The following HMGCLL1 variants were observed in gnomAD, a reference collection of about 807,000 sequenced individuals.
HMGCLL1 encodes the protein 3-hydroxy-3-methylglutaryl-CoA lyase like 1, also known as 3-hydroxymethyl-3-methylglutaryl-CoA lyase, cytoplasmic.
HMGCLL1 carries 36 observed loss-of-function variants against 39.1 expected under a neutral mutation model. That is an observed-to-expected ratio of 0.92 (90% confidence interval 0.71 to 1.22). The LOEUF (loss-of-function observed/expected upper bound fraction) is 1.22. Among genes scored for constraint, HMGCLL1 ranks in the 50% most tolerant of loss-of-function variants. The pLI is 0.00. For missense variants in HMGCLL1, 451 were observed against 416.5 expected, an observed-to-expected ratio of 1.08 and a Z score of -0.72; for synonymous variants, 149 against 144.0, an observed-to-expected ratio of 1.03 and a Z score of -0.25.
rs890354912 is a variant in HMGCLL1 at position 55,520,234 on chromosome 6, C to A, written c.298-3631G>T. On this transcript the variant is annotated intron_variant, in intron 3 of 8. Coordinates refer to ENST00000274901, the MANE Select transcript of HMGCLL1 (RefSeq NM_001042406.2). ...CATATTCTGCACATGTACCCCAGAT[C>A]TTAAAGTATAATAATAAATAAATAA... Among the ~76,000 whole-genome samples, 12 of 131,234 alleles carry A rather than the reference C, an allele frequency of 9.1e-5. No homozygotes were observed. In the Admixed American group the frequency reaches 1.0e-3, roughly 11 times the overall value. The allele number at this position is 131,234 out of a possible 152,430, so 86.1% of individuals were successfully genotyped here. A position where few individuals can be genotyped will look rare whatever the true frequency, so the allele number is the denominator to read the frequency against.
At chr6:55,609,654 C>T in the HMGCLL1 span, among the ~76,000 whole-genome samples, 3 of 152,150 alleles carry the variant, frequency 2.0e-5, no homozygotes, top group Non-Finnish European at 2.9e-5. Flanking sequence ...CAGGGCAGCA[C>T]AACTCGTCCA....
chr6:55,437,544 G>A (rs1763420701), intron 8 of HMGCLL1, among the ~76,000 whole-genome samples: 4 of 152,092 alleles, frequency 2.6e-5, no homozygotes, highest in Non-Finnish European at 5.9e-5. Context: ...CAGGCAGAGA[G>A]AAGAGCAGTC....
chr6:55,470,208 G>A (rs1037571764), intron 7 of HMGCLL1, among the ~76,000 whole-genome samples: 8 of 151,840 alleles, frequency 5.3e-5, no homozygotes, highest in East Asian at 1.9e-4. Context: ...TTCTCACATC[G>A]CACTATAATT....
At chr6:55,482,188 A>G (rs980812696) in intron 7 of HMGCLL1, among the ~76,000 whole-genome samples, 6 of 152,152 alleles carry the variant, frequency 3.9e-5, no homozygotes, top group Admixed American at 3.9e-4. Flanking sequence ...GCAAACATTA[A>G]TATCTGTAAA....
At chr6:55,677,851 T>C in the HMGCLL1 span, among the ~76,000 whole-genome samples, 1 of 152,220 alleles carries the variant, frequency 6.6e-6, no homozygotes, top group Non-Finnish European at 1.5e-5. Context: ...ATTTATCCAA[T>C]AAAGTAACTA....
chr6:55,663,190 T>C, the HMGCLL1 span, among the ~76,000 whole-genome samples: 1 of 151,644 alleles, frequency 6.6e-6, no homozygotes, highest in Admixed American at 6.6e-5. Flanking sequence ...CTCCTTCAGT[T>C]CCGCTCTGAT....
At chr6:55,591,562 T>A in the HMGCLL1 span, among the ~76,000 whole-genome samples, 3 of 151,910 alleles carry the variant, frequency 2.0e-5, no homozygotes, top group Admixed American at 2.0e-4. Flanking sequence ...TTCACTTTTT[T>A]TTTCCTTTCC....
the HMGCLL1 span, among the ~76,000 whole-genome samples, chr6:55,652,788 T>G: frequency 2.0e-5 from 3 of 152,108 alleles, no homozygotes; most frequent in African/African-American, 7.2e-5. Flanking sequence ...TTTGTCTTTC[T>G]TTCTAGAAAT....
intron 1 of HMGCLL1, 117 bp downstream of exon 1, chr6:55,578,831 G>A (rs1771889157): frequency 1.4e-6 from 1 of 718,474 alleles, no homozygotes; most frequent in African/African-American, 1.7e-5. Context: ...GCTGCGGGAA[G>A]GGTCCTGGGG....
chr6:55,495,716 A>C, intron 6 of HMGCLL1, 109 bp from the exon 7 acceptor site: 1 of 629,818 alleles, frequency 1.6e-6, no homozygotes, highest in Non-Finnish European at 2.6e-6. Context: ...TAATACCAGT[A>C]ATGTCCATGA....
chr6:55,540,871 G>C (rs943230512), intron 3 of HMGCLL1, among the ~76,000 whole-genome samples: 29 of 152,062 alleles, frequency 1.9e-4, no homozygotes, highest in Non-Finnish European at 3.1e-4. Flanking sequence ...AGAGAGGATA[G>C]GCAGAGAAAA....
chr6:55,552,171 T>C (rs1476354989), intron 1 of HMGCLL1, among the ~76,000 whole-genome samples: 3 of 151,988 alleles, frequency 2.0e-5, no homozygotes, highest in Non-Finnish European at 4.4e-5. Context: ...GAATACTCAT[T>C]ACAGAATCTA....
At chr6:55,561,456 T>A (rs1012525204) in intron 1 of HMGCLL1, among the ~76,000 whole-genome samples, 1 of 152,124 alleles carries the variant, frequency 6.6e-6, no homozygotes, top group Non-Finnish European at 1.5e-5. Context: ...AATGTGCATA[T>A]GAATCCCCTG....
chr6:55,559,463 CAA>C (rs1482341547), intron 1 of HMGCLL1, among the ~76,000 whole-genome samples: 1 of 152,128 alleles, frequency 6.6e-6, no homozygotes, highest in East Asian at 1.9e-4. Flanking sequence ...TGGAGTGAAG[CAA>C]AGTCATGTTA....
At chr6:55,640,507 ATTAAT>A in the HMGCLL1 span, among the ~76,000 whole-genome samples, 216 of 151,890 alleles carry the variant, frequency 1.4e-3, no homozygotes, top group African/African-American at 5.0e-3. Flanking sequence ...TAATTAGTTA[ATTAAT>A]TTAAATTAAT....
chr6:55,660,397 T>C, the HMGCLL1 span, among the ~76,000 whole-genome samples: 4 of 151,834 alleles, frequency 2.6e-5, no homozygotes, highest in African/African-American at 9.7e-5. Flanking sequence ...AGCCCTGGTG[T>C]CTATTTTTCC....
At chr6:55,607,102 T>C in the HMGCLL1 span, among the ~76,000 whole-genome samples, 2 of 152,218 alleles carry the variant, frequency 1.3e-5, no homozygotes, top group Non-Finnish European at 1.5e-5. Flanking sequence ...TGATATACTA[T>C]GCAGGTGCAT....
At chr6:55,653,316 G>A in the HMGCLL1 span, among the ~76,000 whole-genome samples, 1 of 151,902 alleles carries the variant, frequency 6.6e-6, no homozygotes, top group Non-Finnish European at 1.5e-5. Flanking sequence ...TCCAGGACAA[G>A]AGCAAACACA....
the HMGCLL1 span, among the ~76,000 whole-genome samples, chr6:55,668,319 T>A: frequency 5.6e-3 from 848 of 152,066 alleles, 8 homozygotes; most frequent in Non-Finnish European, 9.2e-3. Context: ...AATATAGCCT[T>A]CCGGCTAGTT....
Sources: allele counts gnomAD v4.1 joint callset (sites outside exome capture counted in the v4.1 genomes callset), GRCh38; gene constraint gnomAD v4.1.1; transcripts MANE v1.5; gene names NCBI Gene and HGNC (gene_info 2026-07-23, HGNC 2026-07-21).